NLGN4Y: variants seen among roughly 807,000 people sequenced by gnomAD.
NLGN4Y encodes neuroligin 4 Y-linked, also known as neuroligin-4, Y-linked.
Under a neutral mutation model 8.4 loss-of-function variants are expected in NLGN4Y, and 4 were observed. That is an observed-to-expected ratio of 0.48 (90% CI 0.23 to 1.09). The LOEUF (loss-of-function observed/expected upper bound fraction) is 1.09. NLGN4Y is among the 50% of genes least tolerant of loss of function. The pLI, the probability that NLGN4Y is intolerant of heterozygous loss-of-function variation, is 0.19. For synonymous variants in NLGN4Y, 35 were observed against 75.6 expected (o/e 0.46, Z 2.78); for missense variants, 90 against 192.3 (o/e 0.47, Z 3.15).
intron 2 of NLGN4Y, among the ~76,000 whole-genome samples, chrY:14,670,608 A>G (rs2080706951): frequency 3.0e-5 from 1 of 33,507 alleles, no homozygotes; most frequent in African/African-American, 1.2e-4. Flanking sequence ...TTTTGCTTCC[A>G]GGAACCTATC....
chrY:14,555,625 A>G, intron 1 of NLGN4Y, among the ~76,000 whole-genome samples: 1 of 33,022 alleles, frequency 3.0e-5, no homozygotes, highest in Non-Finnish European at 7.4e-5. Flanking sequence ...TTCCAGTCCT[A>G]TTTCCATTTT....
chrY:14,686,099 C>A (rs2080789678), intron 2 of NLGN4Y, among the ~76,000 whole-genome samples: 1 of 33,094 alleles, frequency 3.0e-5, no homozygotes, highest in East Asian at 8.2e-4. Context: ...TCTCAGCTAA[C>A]CTTTGTGGAG....
chrY:14,772,903 T>G, intron 4 of NLGN4Y, among the ~76,000 whole-genome samples: 3 of 33,346 alleles, frequency 9.0e-5, no homozygotes, highest in Non-Finnish European at 2.2e-4. Context: ...AAATTAGGTA[T>G]TGATGGAATA....
chrY:14,811,081 C>T (rs893129736), intron 4 of NLGN4Y, among the ~76,000 whole-genome samples: 2 of 33,533 alleles, frequency 6.0e-5, no homozygotes, highest in African/African-American at 1.2e-4. Context: ...CAGGACGTCA[C>T]GTTCCCTCCC....
intron 4 of NLGN4Y, among the ~76,000 whole-genome samples, chrY:14,756,878 T>C (rs1603503609): frequency 8.2e-5 from 1 of 12,122 alleles, no homozygotes; most frequent in South Asian, 2.0e-3. Context: ...TATATATATA[T>C]ATATATATAT....
At chrY:14,708,099 A>T in intron 2 of NLGN4Y, among the ~76,000 whole-genome samples, 3 of 33,489 alleles carry the variant, frequency 9.0e-5, no homozygotes, top group Admixed American at 5.5e-4. Flanking sequence ...AAGTTTTTTT[A>T]AAAAAATAGC....
intron 1 of NLGN4Y, among the ~76,000 whole-genome samples, chrY:14,620,957 A>G: frequency 6.0e-5 from 2 of 33,577 alleles, no homozygotes; most frequent in East Asian, 1.5e-3. Flanking sequence ...TGAAGAGGAT[A>G]CCCTCTCAGG....
At position 14,564,131 on chromosome Y, in the gene NLGN4Y, T is replaced by C. The variant is rs371176327; in HGVS notation, c.-112+39423T>C. Among the ~76,000 whole-genome samples the C allele has an allele frequency of 4.9e-3, 164 of 33,607 alleles. No individual in the cohort carries two copies. The South Asian group carries it at 0.074, about 15-fold the overall frequency. The allele number at this position is 33,607 out of a possible 37,273, so 90.2% of individuals were successfully genotyped here. ...TCTCTAGTTGTTTTAATTTTGATGA[T>C]AGGGTGTCAGTTTTATATCTTTTCT... On this transcript the variant is annotated intron_variant, in intron 1 of 6. Transcript: ENST00000684976.
intron 4 of NLGN4Y, among the ~76,000 whole-genome samples, chrY:14,776,273 T>TAC (rs2081125342): frequency 3.2e-5 from 1 of 30,905 alleles, no homozygotes; most frequent in Non-Finnish European, 7.7e-5. Context: ...TGTGTATATA[T>TAC]ACACAAATAT....
rs1324803284 is a variant in NLGN4Y at position 14,524,685 on chromosome Y, C to T, written c.-135C>T. The T allele has an allele frequency of 1.6e-5, 2 of 121,866 alleles. No homozygotes were observed. Among genetic ancestry groups the T allele is most frequent in the Admixed American group, 2.0e-4 (2 of 9,951 alleles). 30.4% of individuals were successfully genotyped at this position (121,866 alleles called of 400,897 possible). ...TTGGCTTGACCTGCGGAAGCGCGGG[C>T]CGGGATGGCGTGGGGAGAGGGAGGT... On this transcript the variant is annotated 5_prime_UTR_variant, in exon 1 of 7. Coordinates refer to ENST00000684976, the MANE Select transcript of NLGN4Y (RefSeq NM_001365588.1).
At chrY:14,701,444 T>A in intron 2 of NLGN4Y, among the ~76,000 whole-genome samples, 1 of 33,756 alleles carries the variant, frequency 3.0e-5, no homozygotes, top group South Asian at 6.5e-4. Flanking sequence ...AATTACATTA[T>A]TTTTGGCATA....
At chrY:14,524,471 C>T, upstream of NLGN4Y, 1 of 106,191 alleles carries the variant, frequency 9.4e-6, no homozygotes, top group South Asian at 4.4e-5. Context: ...CCGCGCAGCT[C>T]GGCTCCGTTC....
intron 1 of NLGN4Y, among the ~76,000 whole-genome samples, chrY:14,570,089 G>T: frequency 3.0e-5 from 1 of 33,769 alleles, no homozygotes; most frequent in Admixed American, 2.7e-4. Flanking sequence ...ACCCAGCCAG[G>T]CCTGTCTGCC....
chrY:14,705,109 G>A, intron 2 of NLGN4Y, among the ~76,000 whole-genome samples: 1 of 32,458 alleles, frequency 3.1e-5, no homozygotes, highest in Non-Finnish European at 7.5e-5. Flanking sequence ...AGTATTGAAA[G>A]GGTAGACAAA....
At chrY:14,558,519 G>A (rs762820505) in intron 1 of NLGN4Y, among the ~76,000 whole-genome samples, 97 of 32,838 alleles carry the variant, frequency 3.0e-3, no homozygotes, top group Non-Finnish European at 5.2e-3. Flanking sequence ...AGTCATTTCA[G>A]CACCACTGCA....
At chrY:14,807,906 G>A in intron 4 of NLGN4Y, among the ~76,000 whole-genome samples, 2 of 33,560 alleles carry the variant, frequency 6.0e-5, no homozygotes, top group Admixed American at 2.7e-4. Context: ...ACCAGCAGTC[G>A]ATTTTACCCT....
chrY:14,832,800 G>A, intron 6 of NLGN4Y, among the ~76,000 whole-genome samples: 1 of 34,047 alleles, frequency 2.9e-5, no homozygotes, highest in Non-Finnish European at 7.3e-5. Flanking sequence ...TGGAGGCAGG[G>A]TGAGATCACA....
At chrY:14,712,931 G>A in intron 2 of NLGN4Y, among the ~76,000 whole-genome samples, 4 of 33,429 alleles carry the variant, frequency 1.2e-4, no homozygotes, top group Non-Finnish European at 3.0e-4. Flanking sequence ...GCCTTTCTGC[G>A]TTGGATTACA....
At position 14,749,440 on chromosome Y, in the gene NLGN4Y, T is replaced by C. The variant is rs1603503499; in HGVS notation, c.685+26171T>C. Among the ~76,000 whole-genome samples, 4 of 33,540 alleles carry C rather than the reference T, an allele frequency of 1.2e-4. No individual in the cohort carries two copies. In the East Asian group the frequency reaches 3.2e-3, roughly 27 times the overall value. 90.0% of individuals were successfully genotyped at this position (33,540 alleles called of 37,273 possible). A position where few individuals can be genotyped will look rare whatever the true frequency, so the allele number is the denominator to read the frequency against. On this transcript the variant is annotated intron_variant, in intron 4 of 6. Coordinates refer to ENST00000684976, the MANE Select transcript of NLGN4Y (RefSeq NM_001365588.1). ...TCCCCTCCACCTATCATATTTAGCA[T>C]ATTGTGTATTTGTCCTTAGTCTGTT...
Sources: allele counts gnomAD v4.1 joint callset (sites outside exome capture counted in the v4.1 genomes callset), GRCh38; gene constraint gnomAD v4.1.1; transcripts MANE v1.5; gene names NCBI Gene and HGNC (gene_info 2026-07-23, HGNC 2026-07-21).